The following AP3B1 variants were observed in gnomAD, a reference collection of about 807,000 sequenced individuals.
AP3B1 encodes adaptor related protein complex 3 subunit beta 1, also known as AP-3 complex subunit beta-1.
In AP3B1, 61 loss-of-function variants were observed where a neutral mutation model predicts 132.5. That is an observed-to-expected ratio of 0.46 (90% CI 0.37 to 0.57). AP3B1 has a LOEUF of 0.57. AP3B1 is among the 20% of genes least tolerant of loss of function. The probability of loss-of-function intolerance (pLI) is 0.00; values close to 1 mark genes in which losing one functional copy is unlikely to be tolerated. For missense variants in AP3B1, 1,120 were observed against 1,289.4 expected (o/e 0.87, Z 2.01); for synonymous variants, 388 against 438.3 (o/e 0.89, Z 1.43).
chr5:78,114,031 G>C, intron 18 of AP3B1, 108 bp from the exon 19 acceptor site: 1 of 1,240,040 alleles, frequency 8.1e-7, no homozygotes, highest in Admixed American at 2.1e-5. Context: ...TTGAATTTTA[G>C]TTCAGTGGAC....
chr5:78,025,862 A>G (rs1269265033), intron 24 of AP3B1, among the ~76,000 whole-genome samples: 1 of 152,210 alleles, frequency 6.6e-6, no homozygotes, highest in Non-Finnish European at 1.5e-5. Flanking sequence ...AATCCAATAT[A>G]ACCAGTACAT....
chr5:78,076,642 A>C (rs1008423679), intron 22 of AP3B1, among the ~76,000 whole-genome samples: 1 of 152,184 alleles, frequency 6.6e-6, no homozygotes, highest in African/African-American at 2.4e-5. Context: ...GCTACTTAAT[A>C]TCAGCCTGAC....
At chr5:78,070,409 G>GAAAAAAAAAAAAAAACAAAAAAAAAA (rs1749485500) in intron 22 of AP3B1, among the ~76,000 whole-genome samples, 1 of 131,374 alleles carries the variant, frequency 7.6e-6, no homozygotes, top group Non-Finnish European at 1.6e-5. Context: ...TCCATCTCAA[G>GAAAAAAAAAAAAAAACAAAAAAAAAA]AAAAAAAAAA....
chr5:78,106,187 GTTGCCCATGCCTGTAATCCCAGCACT>G (rs1207517817), intron 20 of AP3B1, among the ~76,000 whole-genome samples: 5 of 152,194 alleles, frequency 3.3e-5, no homozygotes, highest in Admixed American at 2.6e-4. Flanking sequence ...GCTGGGCACG[GTTGCCCATGCCTGTAATCCCAGCACT>G]TTGGGAGGCT....
At chr5:78,291,420 GA>G (rs5868911) in intron 1 of AP3B1, among the ~76,000 whole-genome samples, 124 of 85,708 alleles carry the variant, frequency 1.4e-3, no homozygotes, top group East Asian at 0.01. Context: ...CAGATAATTT[GA>G]AAAAAAAAAA....
intron 17 of AP3B1, among the ~76,000 whole-genome samples, chr5:78,117,172 CT>C (rs70997968): frequency 0.024 from 2,889 of 122,188 alleles, 26 homozygotes; most frequent in Non-Finnish European, 0.028. Flanking sequence ...TCCCCACCAC[CT>C]TTTTTTTTTT....
intron 3 of AP3B1, among the ~76,000 whole-genome samples, chr5:78,236,531 T>A (rs1192113548): frequency 6.6e-6 from 1 of 152,234 alleles, no homozygotes; most frequent in Non-Finnish European, 1.5e-5. Flanking sequence ...GGATTCTGAC[T>A]GCTACACACT....
Position 78,094,508 on chromosome 5 carries a change from G to C in AP3B1, c.2471-5009C>G, listed in dbSNP as rs544042693. ...AACAGATATAATAGAGAAATAGTAAGAGAAATAACCAAATTGTTTTGTAGT... is the reference window on the plus strand; with the variant it reads ...AACAGATATAATAGAGAAATAGTAACAGAAATAACCAAATTGTTTTGTAGT... On this transcript the variant is annotated intron_variant, in intron 21 of 26. Transcript: ENST00000255194. Among the ~76,000 whole-genome samples the C allele has an allele frequency of 9.9e-4, 151 of 152,248 alleles. 1 individual carries two copies. The highest frequency in any genetic ancestry group is 4.1e-4 in the Non-Finnish European group (28 of 68,008).
At chr5:78,271,688 TTC>T (rs1371431815) in intron 1 of AP3B1, among the ~76,000 whole-genome samples, 1 of 152,222 alleles carries the variant, frequency 6.6e-6, no homozygotes, top group Non-Finnish European at 1.5e-5. Flanking sequence ...ACTCTGACTT[TTC>T]TCTCTCTTGC....
At chr5:78,129,402 G>A (rs1752600034) in intron 15 of AP3B1, 95 bp from the exon 16 acceptor site, 2 of 1,070,250 alleles carry the variant, frequency 1.9e-6, no homozygotes, top group Admixed American at 3.7e-5. Flanking sequence ...AAAAATGAAT[G>A]GTTATGTCAA....
chr5:78,232,325 C>G (rs906122336), intron 3 of AP3B1, among the ~76,000 whole-genome samples: 1 of 152,190 alleles, frequency 6.6e-6, no homozygotes, highest in Non-Finnish European at 1.5e-5. Context: ...AATAAAAAGG[C>G]ACCTGAATGA....
At chr5:78,291,533 C>G (rs187687803) in intron 1 of AP3B1, among the ~76,000 whole-genome samples, 2 of 150,642 alleles carry the variant, frequency 1.3e-5, no homozygotes, top group African/African-American at 4.9e-5. Context: ...TGTAATAGTT[C>G]AAGAAGCATG....
chr5:78,007,313 T>C (rs1361973766), intron 26 of AP3B1, among the ~76,000 whole-genome samples: 1 of 152,206 alleles, frequency 6.6e-6, no homozygotes, highest in East Asian at 1.9e-4. Context: ...CTCTAAGACA[T>C]GCTTTTTCTT....
intron 1 of AP3B1, among the ~76,000 whole-genome samples, chr5:78,274,475 T>C (rs1748687665): frequency 6.6e-6 from 1 of 151,342 alleles, no homozygotes. Flanking sequence ...AAAGCAGTAT[T>C]TGAAGAGATA....
chr5:78,001,878 C>G (rs1746210298), downstream of AP3B1: 1 of 152,078 alleles, frequency 6.6e-6, no homozygotes. Flanking sequence ...ATAGAACAAC[C>G]TTGAAAACAG....
At chr5:78,233,837 AGG>A (rs913597726) in intron 3 of AP3B1, among the ~76,000 whole-genome samples, 3,436 of 74,288 alleles carry the variant, frequency 0.046, 143 homozygotes, top group African/African-American at 0.13. Flanking sequence ...GGATGCAAAC[AGG>A]GGCATGTTCC....
At chr5:78,138,096 G>C (rs1464578019) in intron 15 of AP3B1, among the ~76,000 whole-genome samples, 3 of 152,186 alleles carry the variant, frequency 2.0e-5, no homozygotes, top group African/African-American at 7.2e-5. Context: ...AATTATTTTA[G>C]TCTGTCTTAT....
chr5:78,244,203 G>A (rs1045356281), intron 2 of AP3B1, among the ~76,000 whole-genome samples: 2 of 152,212 alleles, frequency 1.3e-5, no homozygotes, highest in African/African-American at 2.4e-5. Flanking sequence ...TGACCAGCCC[G>A]GCCAACATGC....
intron 11 of AP3B1, among the ~76,000 whole-genome samples, chr5:78,175,135 C>A (rs935230021): frequency 6.6e-6 from 1 of 152,220 alleles, no homozygotes; most frequent in African/African-American, 2.4e-5. Context: ...CCCGGCTTCC[C>A]GTGGCTAGGA....
Sources: gnomAD v4.1 joint callset for allele counts (sites outside exome capture counted in the v4.1 genomes callset) on GRCh38, gnomAD v4.1.1 for gene constraint, MANE v1.5 for transcripts, NCBI Gene and HGNC (gene_info 2026-07-23, HGNC 2026-07-21) for gene names.